The following NCKAP1 variants were observed in gnomAD, a reference collection of about 807,000 sequenced individuals.
NCKAP1 encodes the protein nck-associated protein 1.
NCKAP1 carries 21 observed loss-of-function variants against 151.2 expected under a neutral mutation model. The observed-to-expected ratio is 0.14, with a 90% CI of 0.10 to 0.20. The LOEUF (loss-of-function observed/expected upper bound fraction) is 0.20. NCKAP1 is among the 10% of genes least tolerant of loss of function. The pLI is 1.00. For missense variants in NCKAP1, 933 were observed against 1,352.1 expected, an observed-to-expected ratio of 0.69 and a Z score of 4.86; for synonymous variants, 484 against 451.8, an observed-to-expected ratio of 1.07 and a Z score of -0.90.
intron 2 of NCKAP1, among the ~76,000 whole-genome samples, chr2:183,006,312 T>G (rs981756502): frequency 1.3e-5 from 2 of 152,220 alleles, no homozygotes; most frequent in African/African-American, 4.8e-5. Context: ...TAAGAATATG[T>G]AGCAATGCCT....
Position 183,002,050 on chromosome 2 carries a change from A to G in NCKAP1, c.513-7T>C. The G allele has an allele frequency of 6.2e-7, 1 of 1,613,304 alleles. No individual in the cohort carries two copies. The highest frequency in any genetic ancestry group is 8.5e-7 in the Non-Finnish European group (1 of 1,179,466). Reference sequence around the variant, plus strand: ...GCGTGGGTATTCTCTGTCACTTAAAACAGACATATCAAATTTCAATGAGTT... The same window carrying G: ...GCGTGGGTATTCTCTGTCACTTAAAGCAGACATATCAAATTTCAATGAGTT... On this transcript the variant is annotated splice_region_variant and splice_polypyrimidine_tract_variant and intron_variant, in intron 5 of 30. Transcript: ENST00000361354.
intron 24 of NCKAP1, among the ~76,000 whole-genome samples, chr2:182,939,089 T>C (rs960340516): frequency 3.9e-5 from 6 of 151,982 alleles, no homozygotes; most frequent in African/African-American, 1.5e-4. Flanking sequence ...AAAGAAAAAA[T>C]TGCTGTAGGA....
chr2:183,004,488 CAAAAAAA>C (rs34055584), intron 2 of NCKAP1, among the ~76,000 whole-genome samples: 8 of 78,822 alleles, frequency 1.0e-4, no homozygotes, highest in African/African-American at 2.8e-4. Context: ...AAACAGCAAG[CAAAAAAA>C]AAAAAAAAAA....
intron 23 of NCKAP1, among the ~76,000 whole-genome samples, chr2:182,948,263 A>T (rs534282166): frequency 6.6e-6 from 1 of 152,144 alleles, no homozygotes; most frequent in African/African-American, 2.4e-5. Flanking sequence ...GTTATTATGA[A>T]GGTAAAATGA....
intron 29 of NCKAP1, among the ~76,000 whole-genome samples, chr2:182,927,857 G>T (rs1575010530): frequency 1.3e-5 from 2 of 151,948 alleles, no homozygotes; most frequent in Non-Finnish European, 2.9e-5. Flanking sequence ...AGACTTCCGA[G>T]TCTAAGGGAA....
chr2:182,954,759 C>G (rs896091084), intron 20 of NCKAP1, among the ~76,000 whole-genome samples: 5 of 151,778 alleles, frequency 3.3e-5, no homozygotes, highest in Admixed American at 6.6e-5. Flanking sequence ...GCACTCCAGC[C>G]TGGACGAAAG....
intron 1 of NCKAP1, 97 bp downstream of exon 1, chr2:183,037,895 C>T (rs2105905422): frequency 2.2e-6 from 2 of 924,068 alleles, no homozygotes; most frequent in East Asian, 6.6e-5. Flanking sequence ...ATTTCTACAC[C>T]CGGCGCCTCC....
chr2:182,956,805 G>T (rs996966168), intron 19 of NCKAP1: 53 of 462,518 alleles, frequency 1.1e-4, no homozygotes, highest in Non-Finnish European at 2.6e-5. Flanking sequence ...CTACCTTTAG[G>T]TAGTAATGAA....
chr2:182,942,383 A>G (rs1697014254), intron 23 of NCKAP1, among the ~76,000 whole-genome samples: 1 of 152,292 alleles, frequency 6.6e-6, no homozygotes, highest in East Asian at 1.9e-4. Flanking sequence ...AGAAGGAAGG[A>G]GTTCAGGAAA....
At chr2:182,967,398 A>T in intron 15 of NCKAP1, 37 bp from the exon 16 acceptor site, 1 of 1,547,068 alleles carries the variant, frequency 6.5e-7, no homozygotes, top group African/African-American at 1.4e-5. Context: ...GTTCAGGTAA[A>T]CATAAATGAC....
At position 183,006,990 on chromosome 2, in the gene NCKAP1, C is replaced by G. The variant is rs148248460; in HGVS notation, c.220-3665G>C. Among the ~76,000 whole-genome samples, 465 of 152,188 alleles carry G rather than the reference C, an allele frequency of 3.1e-3. 2 individuals are homozygous for G. The highest frequency in any genetic ancestry group is 0.028 in the East Asian group (146 of 5,166). ...GAGTTCAAGCAATTCTTCTGCCTCA[C>G]CCTCCCAAGTAGCTGGGACTACAGG... On this transcript the variant is annotated intron_variant, in intron 2 of 30. Coordinates refer to ENST00000361354, the MANE Select transcript of NCKAP1 (RefSeq NM_013436.5).
chr2:183,028,022 TTTCAGA>T (rs1478946351), intron 1 of NCKAP1, among the ~76,000 whole-genome samples: 2 of 152,114 alleles, frequency 1.3e-5, no homozygotes, highest in Non-Finnish European at 2.9e-5. Context: ...GACTAATATA[TTTCAGA>T]AAGGCTTACC....
chr2:182,945,380 AG>A (rs1451372593), intron 23 of NCKAP1, among the ~76,000 whole-genome samples: 2 of 152,138 alleles, frequency 1.3e-5, no homozygotes, highest in Non-Finnish European at 2.9e-5. Context: ...ACCAGGTGAC[AG>A]GGAGACCCTG....
intron 6 of NCKAP1, among the ~76,000 whole-genome samples, chr2:182,998,275 T>C (rs1382402171): frequency 2.0e-5 from 3 of 151,974 alleles, no homozygotes; most frequent in Non-Finnish European, 2.9e-5. Context: ...GACAAGGGTG[T>C]CTGTACTCCT....
intron 23 of NCKAP1, among the ~76,000 whole-genome samples, chr2:182,948,920 T>G (rs1292397995): frequency 2.0e-5 from 3 of 152,186 alleles, no homozygotes; most frequent in African/African-American, 7.2e-5. Context: ...TTCAGGGCAC[T>G]ATTCTCTAAG....
intron 26 of NCKAP1, among the ~76,000 whole-genome samples, chr2:182,933,389 AT>A (rs35213776): frequency 4.2e-4 from 52 of 123,982 alleles, no homozygotes; most frequent in South Asian, 1.1e-3. Context: ...GTGGCACCAC[AT>A]TTTTTTTTTT....
chr2:183,034,283 G>A (rs1184102014), intron 1 of NCKAP1, among the ~76,000 whole-genome samples: 1 of 150,444 alleles, frequency 6.6e-6, no homozygotes, highest in Non-Finnish European at 1.5e-5. Flanking sequence ...AAAGGATAGG[G>A]AAAAAAAGAA....
intron 24 of NCKAP1, among the ~76,000 whole-genome samples, chr2:182,939,606 T>C (rs1696952519): frequency 6.6e-6 from 1 of 152,110 alleles, no homozygotes; most frequent in Non-Finnish European, 1.5e-5. Flanking sequence ...AATTCAGACC[T>C]ACTTTTAATT....
At chr2:182,947,217 T>G (rs959493075) in intron 23 of NCKAP1, 1 of 152,124 alleles carries the variant, frequency 6.6e-6, no homozygotes, top group African/African-American at 2.4e-5. Flanking sequence ...GTCCAAGGAT[T>G]GAGATGCCTT....
Sources: allele counts gnomAD v4.1 joint callset (sites outside exome capture counted in the v4.1 genomes callset), GRCh38; gene constraint gnomAD v4.1.1; transcripts MANE v1.5; gene names NCBI Gene and HGNC (gene_info 2026-07-23, HGNC 2026-07-21).